Variants in BMAL2 observed in about 807,000 individuals in gnomAD.
BMAL2 encodes the protein basic helix-loop-helix ARNT-like protein 2.
chr12:27,349,904 A>G, the BMAL2 span, among the ~76,000 whole-genome samples: 1 of 152,122 alleles, frequency 6.6e-6, no homozygotes, highest in African/African-American at 2.4e-5. Context: ...CCTTCTTGCC[A>G]TTCAGTCCAT....
At chr12:27,375,385 T>A in the BMAL2 span, among the ~76,000 whole-genome samples, 2 of 152,224 alleles carry the variant, frequency 1.3e-5, no homozygotes, top group African/African-American at 4.8e-5. Context: ...CAAATTATGT[T>A]ATCCAAGAAT....
chr12:27,411,901 A>G, the BMAL2 span, among the ~76,000 whole-genome samples: 15 of 152,146 alleles, frequency 9.9e-5, no homozygotes, highest in Non-Finnish European at 1.8e-4. Context: ...TTTTGGTGTC[A>G]TACCAAGAAA....
the BMAL2 span, chr12:27,424,465 A>G: frequency 6.6e-6 from 1 of 152,246 alleles, no homozygotes; most frequent in South Asian, 2.1e-4. Context: ...CAAACAGGAA[A>G]GTACAGAATA....
chr12:27,407,752 A>G, the BMAL2 span, among the ~76,000 whole-genome samples: 19 of 152,226 alleles, frequency 1.2e-4, no homozygotes, highest in Non-Finnish European at 2.5e-4. Context: ...TCAGAGCAGA[A>G]CTGAAGGAGA....
At chr12:27,349,916 G>A in the BMAL2 span, among the ~76,000 whole-genome samples, 1 of 152,116 alleles carries the variant, frequency 6.6e-6, no homozygotes, top group Admixed American at 6.6e-5. Context: ...TCAGTCCATG[G>A]TCAGCAGAGG....
the BMAL2 span, chr12:27,425,161 C>T: frequency 6.6e-6 from 1 of 151,904 alleles, no homozygotes; most frequent in East Asian, 1.9e-4. Flanking sequence ...TTTTCCAGTT[C>T]ACTTGTGCTC....
At chr12:27,369,901 A>G in the BMAL2 span, among the ~76,000 whole-genome samples, 170 of 152,314 alleles carry the variant, frequency 1.1e-3, 1 homozygote, top group African/African-American at 3.9e-3. Context: ...AACTACTCAC[A>G]TTTTAGAAAA....
At chr12:27,406,370 G>C in the BMAL2 span, among the ~76,000 whole-genome samples, 1 of 152,234 alleles carries the variant, frequency 6.6e-6, no homozygotes, top group Admixed American at 6.5e-5. Context: ...ACAAAGGGAA[G>C]CCCATCAGAC....
the BMAL2 span, among the ~76,000 whole-genome samples, chr12:27,356,657 ATG>A: frequency 5.9e-5 from 9 of 152,112 alleles, no homozygotes; most frequent in Non-Finnish European, 1.2e-4. Flanking sequence ...ACATTTTATT[ATG>A]TGTGTTTTTT....
At chr12:27,420,015 G>GCGCGCGCA in the BMAL2 span, among the ~76,000 whole-genome samples, 177 of 46,660 alleles carry the variant, frequency 3.8e-3, no homozygotes, top group Non-Finnish European at 4.8e-3. Flanking sequence ...CAGGGTTTGC[G>GCGCGCGCA]CGTGCACACA....
At chr12:27,419,608 A>G in the BMAL2 span, among the ~76,000 whole-genome samples, 1 of 152,226 alleles carries the variant, frequency 6.6e-6, no homozygotes, top group Admixed American at 6.5e-5. Flanking sequence ...GACAAATTCA[A>G]ACTATTGTAT....
chr12:27,352,240 A>G, the BMAL2 span, among the ~76,000 whole-genome samples: 1 of 152,236 alleles, frequency 6.6e-6, no homozygotes, highest in Non-Finnish European at 1.5e-5. Flanking sequence ...TGGGAACATT[A>G]TATACAATGA....
At chr12:27,376,542 G>C in the BMAL2 span, among the ~76,000 whole-genome samples, 1 of 152,144 alleles carries the variant, frequency 6.6e-6, no homozygotes, top group Admixed American at 6.5e-5. Context: ...TCAGGCACCT[G>C]ATGTCTTGCT....
At chr12:27,343,673 G>C in the BMAL2 span, among the ~76,000 whole-genome samples, 19,267 of 152,162 alleles carry the variant, frequency 0.13, 1,399 homozygotes, top group Non-Finnish European at 0.17. Flanking sequence ...TTTTGTATCA[G>C]TCAGGCCTAG....
At chr12:27,400,853 TA>T in the BMAL2 span, 3 of 1,283,978 alleles carry the variant, frequency 2.3e-6, no homozygotes, top group Non-Finnish European at 3.2e-6. Context: ...GTAGCACTGC[TA>T]GTTTTTCTTT....
At chr12:27,358,489 A>C in the BMAL2 span, among the ~76,000 whole-genome samples, 1 of 152,176 alleles carries the variant, frequency 6.6e-6, no homozygotes, top group East Asian at 1.9e-4. Flanking sequence ...GAGATTCCTT[A>C]AAGGGCATTT....
At chr12:27,360,740 G>A in the BMAL2 span, among the ~76,000 whole-genome samples, 6 of 127,522 alleles carry the variant, frequency 4.7e-5, no homozygotes, top group East Asian at 1.4e-3. Context: ...ACAAGCAAAT[G>A]TGGTTTGCGG....
the BMAL2 span, chr12:27,390,249 T>G: frequency 1.2e-6 from 2 of 1,612,842 alleles, no homozygotes; most frequent in Non-Finnish European, 1.7e-6. Flanking sequence ...GGTATCATTT[T>G]GAAATGTCAA....
At chr12:27,405,318 C>T in the BMAL2 span, among the ~76,000 whole-genome samples, 1 of 152,192 alleles carries the variant, frequency 6.6e-6, no homozygotes, top group Non-Finnish European at 1.5e-5. Context: ...GGTCCCTGAC[C>T]CCTGAGTAGC....
Sources: gnomAD v4.1 joint callset for allele counts (sites outside exome capture counted in the v4.1 genomes callset) on GRCh38, gnomAD v4.1.1 for gene constraint, MANE v1.5 for transcripts, NCBI Gene and HGNC (gene_info 2026-07-23, HGNC 2026-07-21) for gene names.